Variants in LIN54 observed in about 807,000 individuals in gnomAD.
The protein encoded by LIN54 is lin-54 DREAM MuvB core complex component.
LIN54 carries 9 observed loss-of-function variants against 78.7 expected under a neutral mutation model. The ratio of observed to expected loss-of-function variants is 0.11; its 90% CI spans 0.07 to 0.20. LIN54 has a LOEUF of 0.20. Ranked by LOEUF, LIN54 falls within the 10% of genes least tolerant of loss-of-function variation. The pLI is 1.00. For synonymous variants in LIN54, 269 were observed against 318.4 expected (o/e 0.84, Z 1.65); for missense variants, 573 against 889.9 (o/e 0.64, Z 4.53).
At chr4:82,947,686 G>A (rs1028023905) in intron 4 of LIN54, among the ~76,000 whole-genome samples, 1 of 152,120 alleles carries the variant, frequency 6.6e-6, no homozygotes, top group Non-Finnish European at 1.5e-5. Flanking sequence ...GAACACAATA[G>A]TCTTTTGAGA....
At chr4:83,010,910 C>G, upstream of LIN54, 1 of 1,059,322 alleles carries the variant, frequency 9.4e-7, no homozygotes. Context: ...CCCGCCGCCC[C>G]GCCAACCTTC....
chr4:82,938,414 C>G lies in LIN54; in HGVS notation c.1531G>C (p.Gly511Arg), dbSNP rs188595440. The change falls in exon 8 of 13, where the codon GGC (glycine) becomes CGC (arginine). Residue 511 changes from glycine (G) to arginine (R), a missense_variant and splice_region_variant. Around this residue, in one of 6 missense-constraint regions of LIN54, gnomAD observed 101 missense variants for 194.2 expected, o/e 0.52. Transcript: ENST00000340417. ...TGTACCTATTTTCAAAATACTCACC[C>G]ATTGAATGGAAGCCGTGCCTGGGTC... ...IQTQARLPFN[G>R]IIPSESASRP... 2 of 1,570,834 alleles carry G rather than the reference C, an allele frequency of 1.3e-6. No individual in the cohort carries two copies. The highest frequency in any genetic ancestry group is 2.2e-5 in the East Asian group (1 of 44,612).
chr4:82,994,362 C>T (rs1461786350), intron 1 of LIN54, among the ~76,000 whole-genome samples: 4 of 151,878 alleles, frequency 2.6e-5, no homozygotes, highest in South Asian at 2.1e-4. Flanking sequence ...ACTCAGTATA[C>T]GGTCTCTCTT....
chr4:82,974,256 G>A (rs1361309209), intron 3 of LIN54, among the ~76,000 whole-genome samples: 1 of 151,886 alleles, frequency 6.6e-6, no homozygotes, highest in South Asian at 2.1e-4. Flanking sequence ...AATTGTGCTA[G>A]GTTCTGGGAA....
Position 82,925,685 on chromosome 4 carries a change from G to A in LIN54, c.*2417C>T, listed in dbSNP as rs1235341221. On this transcript the variant is annotated 3_prime_UTR_variant, in exon 13 of 13. Coordinates refer to ENST00000340417, the MANE Select transcript of LIN54 (RefSeq NM_194282.4). ...CATATTAAATGGTTAATAAAGTGGT[G>A]TTATTATACTAAAGAAAAAATGCAA... 6.6e-6 allele frequency: 1 copy of A among 152,572 alleles called. No homozygotes were observed. The highest frequency in any genetic ancestry group is 1.5e-5 in the Non-Finnish European group (1 of 68,026). 9.5% of individuals were successfully genotyped at this position (152,572 alleles called of 1,614,324 possible). A position where few individuals can be genotyped will look rare whatever the true frequency, so the allele number is the denominator to read the frequency against.
chr4:82,950,812 C>T (rs183230541), intron 4 of LIN54, among the ~76,000 whole-genome samples: 4 of 152,060 alleles, frequency 2.6e-5, no homozygotes, highest in African/African-American at 4.8e-5. Flanking sequence ...TTTCCTATTA[C>T]TAAATGCCAA....
chr4:82,955,805 G>C (rs1482565481), intron 4 of LIN54, among the ~76,000 whole-genome samples: 1 of 150,376 alleles, frequency 6.6e-6, no homozygotes, highest in Non-Finnish European at 1.5e-5. Flanking sequence ...TTTCCCAAAA[G>C]TGTCCCTATC....
chr4:82,929,641 C>T (rs1266318338), intron 12 of LIN54, among the ~76,000 whole-genome samples: 1 of 151,782 alleles, frequency 6.6e-6, no homozygotes, highest in African/African-American at 2.4e-5. Context: ...CTCATCTCTA[C>T]CAAAAATACA....
intron 1 of LIN54, among the ~76,000 whole-genome samples, chr4:83,008,171 G>A (rs1049315704): frequency 1.3e-5 from 2 of 152,052 alleles, no homozygotes; most frequent in Non-Finnish European, 2.9e-5. Flanking sequence ...CCTACACTAA[G>A]TTACATTTTC....
In LIN54 at chr4:82,982,223, CT is replaced by C. The variant is rs952710618; in HGVS notation, c.684+1937del. Reference sequence around the variant, plus strand: ...ACATTCTAATTTATGATATCTTTTCCTTTTTTAGTTTATTTTTATTTTTTTG... The same window carrying C: ...ACATTCTAATTTATGATATCTTTTCCTTTTTAGTTTATTTTTATTTTTTTG... On this transcript the variant is annotated intron_variant, in intron 2 of 12. Coordinates refer to ENST00000340417, the MANE Select transcript of LIN54 (RefSeq NM_194282.4). Among the ~76,000 whole-genome samples the C allele has an allele frequency of 2.2e-4, 34 of 152,002 alleles. No homozygotes were observed. In the East Asian group the frequency reaches 5.6e-3, roughly 25 times the overall value.
Position 82,939,912 on chromosome 4 carries a change from C to A in LIN54, c.1219G>T (p.Val407Phe). 1 of 1,612,458 alleles carries A rather than the reference C, an allele frequency of 6.2e-7. No homozygotes were observed. ...TTPVRMSVPI[V>F]SAQAVKQVVP... ...ACTTGTTTGACAGCCTGAGCTGAGA[C>A]AATTGGAACTGACATCCGCACTGGG... The change falls in exon 6 of 13, where the codon GTC becomes TTC. Residue 407 changes from valine (V) to phenylalanine (F), a missense_variant. By Grantham distance (50) the Val-to-Phe change is conservative. This residue lies in a region of LIN54 where 199 missense variants were observed against 260.9 expected (regional missense o/e 0.76). Transcript: ENST00000340417.
intron 1 of LIN54, among the ~76,000 whole-genome samples, chr4:82,997,130 A>G (rs1366967420): frequency 6.6e-6 from 1 of 152,142 alleles, no homozygotes; most frequent in Non-Finnish European, 1.5e-5. Flanking sequence ...GGCAAATAAT[A>G]TTTACTGTGT....
In LIN54 at chr4:82,926,704, G is replaced by A. The variant is rs976356911; in HGVS notation, c.*1398C>T. 1 of 152,110 alleles carries A rather than the reference G, an allele frequency of 6.6e-6. No homozygotes were observed. Among genetic ancestry groups the A allele is most frequent in the African/African-American group, 2.4e-5 (1 of 41,416 alleles). 9.4% of individuals were successfully genotyped at this position (152,110 alleles called of 1,614,324 possible). On this transcript the variant is annotated 3_prime_UTR_variant, in exon 13 of 13. Transcript: ENST00000340417. ...TTATTTTAGTAATTATAGGAAAACA[G>A]ACCTTCCAAATCACTGGCTGAAAAT...
chr4:82,959,808 T>C (rs1374504961), intron 4 of LIN54, among the ~76,000 whole-genome samples: 1 of 152,200 alleles, frequency 6.6e-6, no homozygotes, highest in Admixed American at 6.5e-5. Context: ...TTCTCACAGA[T>C]AAGTATGTAT....
intron 11 of LIN54, among the ~76,000 whole-genome samples, chr4:82,933,740 T>C (rs1722158603): frequency 6.6e-6 from 1 of 152,232 alleles, no homozygotes; most frequent in Admixed American, 6.5e-5. Flanking sequence ...TTAGAATAGG[T>C]AGGGTAGGGC....
At chr4:82,934,343 T>G (rs565146536) in intron 11 of LIN54, among the ~76,000 whole-genome samples, 44 of 152,308 alleles carry the variant, frequency 2.9e-4, no homozygotes, top group African/African-American at 1.0e-3. Context: ...GAGACGGATA[T>G]TACAGTGAGC....
chr4:83,009,654 G>T (rs1224312201), intron 1 of LIN54, among the ~76,000 whole-genome samples: 1 of 152,134 alleles, frequency 6.6e-6, no homozygotes, highest in Admixed American at 6.6e-5. Context: ...AAAGGGCTAG[G>T]CTAATCACTC....
chr4:82,953,141 A>T (rs1723979242), intron 4 of LIN54, among the ~76,000 whole-genome samples: 1 of 152,060 alleles, frequency 6.6e-6, no homozygotes, highest in Non-Finnish European at 1.5e-5. Flanking sequence ...GGCATGCATC[A>T]CTACGCCCAG....
intron 4 of LIN54, among the ~76,000 whole-genome samples, chr4:82,951,483 A>C (rs1723841608): frequency 6.6e-6 from 1 of 152,216 alleles, no homozygotes; most frequent in Admixed American, 6.5e-5. Flanking sequence ...TCAGGACCAG[A>C]AACCAGCCCT....
Sources: allele counts gnomAD v4.1 joint callset (sites outside exome capture counted in the v4.1 genomes callset), GRCh38; gene constraint gnomAD v4.1.1; regional missense constraint gnomAD v4.1.1; transcripts MANE v1.5; gene names NCBI Gene and HGNC (gene_info 2026-07-23, HGNC 2026-07-21).